Variants in PZP observed in about 807,000 individuals in gnomAD.
PZP encodes pregnancy zone protein.
Under a neutral mutation model 179.8 loss-of-function variants are expected in PZP, and 150 were observed. The observed-to-expected ratio is 0.83, with a 90% CI of 0.73 to 0.96. The LOEUF is 0.96. Ranked by LOEUF, PZP falls within the 40% of genes least tolerant of loss-of-function variation. The pLI is 0.00. For missense variants in PZP, 1,689 were observed against 1,764.0 expected (o/e 0.96, Z 0.76); for synonymous variants, 624 against 652.3 (o/e 0.96, Z 0.66).
the PZP span, among the ~76,000 whole-genome samples, chr12:9,138,274 A>G: frequency 6.6e-6 from 1 of 151,874 alleles, no homozygotes; most frequent in East Asian, 1.9e-4. Flanking sequence ...TTATATAATT[A>G]TGTGATTTTT....
rs111309633 is a variant in PZP at position 9,162,463 on chromosome 12, G to A, written c.2788+134C>T. 259 of 668,022 alleles carry A rather than the reference G, an allele frequency of 3.9e-4. 1 individual carries two copies. The highest frequency in any genetic ancestry group is 4.7e-4 in the Non-Finnish European group (181 of 388,046). 41.4% of individuals were successfully genotyped at this position (668,022 alleles called of 1,614,324 possible). A position where few individuals can be genotyped will look rare whatever the true frequency, so the allele number is the denominator to read the frequency against. ...TCTTCATCTGTAAAACATACATAAA[G>A]AAATATTTAGTATTATGCTGACTTT... On this transcript the variant is annotated intron_variant, in intron 22 of 35. Transcript: ENST00000261336.
intron 13 of PZP, among the ~76,000 whole-genome samples, chr12:9,184,758 T>C (rs1193314036): frequency 6.6e-6 from 1 of 152,212 alleles, no homozygotes; most frequent in Non-Finnish European, 1.5e-5. Flanking sequence ...TGGAGCCAGA[T>C]ACCAGTTCCC....
At position 9,197,003 on chromosome 12, in the gene PZP, C is replaced by T. The variant is rs550024183; in HGVS notation, c.867+9G>A. The T allele has an allele frequency of 7.0e-6, 11 of 1,568,202 alleles. No individual in the cohort carries two copies. Among genetic ancestry groups the T allele is most frequent in the Non-Finnish European group, 9.7e-6 (11 of 1,138,926 alleles). On this transcript the variant is annotated intron_variant, in intron 8 of 35. Transcript: ENST00000261336. ...GTGATAGCACTGAGGGAGAATACCG[C>T]CTACTAACCTGTTGACTGAATTCCT...
intron 2 of PZP, 142 bp from the exon 3 acceptor site, chr12:9,202,826 A>G (rs1011455278): frequency 2.5e-6 from 2 of 791,514 alleles, no homozygotes; most frequent in East Asian, 2.7e-5. Context: ...CATAAGAGTG[A>G]CGATATTAAT....
chr12:9,193,963 A>T, intron 11 of PZP, 114 bp downstream of exon 11: 1 of 1,067,806 alleles, frequency 9.4e-7, no homozygotes, highest in Non-Finnish European at 1.3e-6. Flanking sequence ...TGTAAACTCA[A>T]AGTTAGATAT....
intron 13 of PZP, among the ~76,000 whole-genome samples, chr12:9,183,786 ACTTCATGCAAAT>A (rs1942928888): frequency 6.6e-6 from 1 of 152,200 alleles, no homozygotes; most frequent in African/African-American, 2.4e-5. Flanking sequence ...AATTTTTCCA[ACTTCATGCAAAT>A]TTGACTTTAG....
At position 9,197,050 on chromosome 12, in the gene PZP, A is replaced by G; in HGVS notation, c.829T>C (p.Cys277Arg). 2.5e-6 allele frequency: 4 copies of G among 1,613,720 alleles called. No homozygotes were observed. Among genetic ancestry groups the G allele is most frequent in the Non-Finnish European group, 3.4e-6 (4 of 1,179,776 alleles). ...LCRKLSRVLNCDKQEVCEEFS... is the reference protein window; with the variant it reads ...LCRKLSRVLNRDKQEVCEEFS... ...TCCTCACAGACCTCCTGCTTGTCAC[A>G]ATTAAGAACACGAGATAATTTTCTA... is the stretch of plus-strand genomic sequence containing the variant. The change falls in exon 8 of 36, where the codon TGT becomes CGT. Residue 277 changes from cysteine to arginine, a missense_variant. By Grantham distance (180) the Cys-to-Arg change is radical. Transcript: ENST00000261336.
intron 15 of PZP, among the ~76,000 whole-genome samples, chr12:9,176,624 C>T (rs745693639): frequency 4.6e-4 from 70 of 152,316 alleles, no homozygotes; most frequent in African/African-American, 1.6e-3. Flanking sequence ...TTCAAGAACC[C>T]ACAGGGCAGG....
chr12:9,141,242 A>G, the PZP span, among the ~76,000 whole-genome samples: 3 of 152,330 alleles, frequency 2.0e-5, no homozygotes, highest in South Asian at 2.1e-4. Flanking sequence ...TAACATATGT[A>G]TGCAAATATA....
At chr12:9,140,264 AG>A in the PZP span, among the ~76,000 whole-genome samples, 28 of 151,742 alleles carry the variant, frequency 1.8e-4, no homozygotes, top group African/African-American at 6.3e-4. Context: ...GCATAGTAGT[AG>A]GGGGGGGCCC....
Position 9,194,241 on chromosome 12 carries a change from A to G in PZP, c.1093-3T>C, listed in dbSNP as rs1341379114. 4 of 1,613,446 alleles carry G rather than the reference A, an allele frequency of 2.5e-6. No homozygotes were observed. In the South Asian group the frequency reaches 3.3e-5, roughly 13 times the overall value. ...CCTTTTCCATCCACCAGAAGCACCT[A>G]AAGAAGAAAAGTACTTGATAGTTGA... is the stretch of plus-strand genomic sequence containing the variant. On this transcript the variant is annotated splice_polypyrimidine_tract_variant and splice_region_variant and intron_variant, in intron 10 of 35. Transcript: ENST00000261336.
the PZP span, among the ~76,000 whole-genome samples, chr12:9,143,207 A>T: frequency 1.3e-5 from 2 of 152,222 alleles, no homozygotes; most frequent in Non-Finnish European, 2.9e-5. Context: ...GGATTTTCAG[A>T]GAAAGATCCA....
At chr12:9,201,153 C>A in intron 5 of PZP, 93 bp from the exon 6 acceptor site, 2 of 1,489,710 alleles carry the variant, frequency 1.3e-6, no homozygotes, top group Non-Finnish European at 9.2e-7. Flanking sequence ...TTAGCATTGC[C>A]TCTGGAAAGA....
intron 10 of PZP, among the ~76,000 whole-genome samples, chr12:9,195,348 A>G (rs996505791): frequency 1.3e-5 from 2 of 152,146 alleles, no homozygotes; most frequent in Non-Finnish European, 2.9e-5. Flanking sequence ...CTAAGAAAAT[A>G]CACATGAGAA....
chr12:9,181,016 G>A lies in PZP; in HGVS notation c.1806C>T (p.Leu602=). 1.2e-6 allele frequency: 2 copies of A among 1,614,074 alleles called. No individual in the cohort carries two copies. Among genetic ancestry groups the A allele is most frequent in the Non-Finnish European group, 1.7e-6 (2 of 1,179,972 alleles). The change falls in exon 15 of 36, where the codon CTC becomes CTT. Residue 602 remains leucine, a synonymous_variant. Transcript: ENST00000261336. The part of the protein sequence containing the change: ...ALRAVDQSVL[L]MKPEAELSVS... ...CAGAGAGCTCAGCCTCAGGCTTCAT[G>A]AGCAGCACACTTTGGTCCACAGCAC...
Position 9,170,964 on chromosome 12 carries a change from C to A in PZP, c.1840-1373G>T, listed in dbSNP as rs1941953076. 6.6e-6 allele frequency among the ~76,000 whole-genome samples: 1 copy of A among 152,146 alleles called. No homozygotes were observed. The highest frequency in any genetic ancestry group is 1.5e-5 in the Non-Finnish European group (1 of 68,026). The stretch of plus-strand genomic sequence containing the variant: ...CAGGTGATCCAGGTGAGGAAGGATC[C>A]CACCCAATGCAGCCCACCTGCTCTA... On this transcript the variant is annotated intron_variant, in intron 15 of 35. Transcript: ENST00000261336. This position sits in a 1 kb window ranked among gnomAD's most constrained non-coding sequence, Gnocchi z 4.6.
rs776529229 is a variant in PZP, at chr12:9,192,264, G to GA, written c.1483-9dup. On this transcript the variant is annotated splice_polypyrimidine_tract_variant and intron_variant, in intron 12 of 35. Coordinates refer to ENST00000261336, the MANE Select transcript of PZP (RefSeq NM_002864.3). ...GACTCCCTTAGCCATGATCTGAAAT[G>GA]AAAAAACAGTGAAGGAAATTTCTTG... is the stretch of plus-strand genomic sequence containing the variant. 4 of 1,612,780 alleles carry GA rather than the reference G, an allele frequency of 2.5e-6. No homozygotes were observed. In the Admixed American group the frequency reaches 6.7e-5, roughly 27 times the overall value.
rs1941415775 is a variant in PZP, at chr12:9,164,145, G to T, written c.2602C>A (p.Pro868Thr). ...ERQTLSWTVT[P>T]KTLGNVNFSV... ...TACTGTCACTCACCCAGAGTTTTAG[G>T]AGTCACTGTCCAAGACAAGGTTTGT... Residue 868 changes from proline (P) to threonine (T), a missense_variant, in exon 20 of 36, where the codon CCT becomes ACT. Physicochemically the swap from Pro to Thr is conservative, Grantham distance 38. Around this residue, in one of 3 missense-constraint regions of PZP, gnomAD observed 746 missense variants for 749.2 expected, o/e 1.00. Transcript: ENST00000261336. 2 of 1,611,436 alleles carry T rather than the reference G, an allele frequency of 1.2e-6. No individual in the cohort carries two copies. The highest frequency in any genetic ancestry group is 1.3e-5 in the African/African-American group (1 of 74,874).
chr12:9,142,030 T>A, the PZP span, among the ~76,000 whole-genome samples: 1 of 152,232 alleles, frequency 6.6e-6, no homozygotes, highest in East Asian at 1.9e-4. Flanking sequence ...TTTCATGACT[T>A]ACATGGACAG....
Sources: allele counts gnomAD v4.1 joint callset (sites outside exome capture counted in the v4.1 genomes callset), GRCh38; gene constraint gnomAD v4.1.1; regional missense constraint gnomAD v4.1.1; non-coding constraint Gnocchi (gnomAD v3.1); transcripts MANE v1.5; gene names NCBI Gene and HGNC (gene_info 2026-07-23, HGNC 2026-07-21).